The following MMD2 variants were observed in gnomAD, a reference collection of about 807,000 sequenced individuals.
The protein encoded by MMD2 is monocyte to macrophage differentiation factor 2.
Under a neutral mutation model 33.5 loss-of-function variants are expected in MMD2, and 30 were observed. That is an observed-to-expected ratio of 0.90 (90% confidence interval 0.67 to 1.22). The LOEUF is 1.22. Ranked by LOEUF, MMD2 falls within the 50% of genes most tolerant of loss-of-function variation. The pLI is 0.00. For synonymous variants in MMD2, 129 were observed against 123.0 expected, an observed-to-expected ratio of 1.05 and a Z score of -0.32; for missense variants, 364 against 325.4, an observed-to-expected ratio of 1.12 and a Z score of -0.91.
At chr7:4,917,012 C>A (rs1405458343) in intron 3 of MMD2, among the ~76,000 whole-genome samples, 1 of 152,080 alleles carries the variant, frequency 6.6e-6, no homozygotes, top group Admixed American at 6.6e-5. Context: ...GTGGAGACTG[C>A]AGTGAGCCAT....
chr7:4,897,520 G>A, the MMD2 span, among the ~76,000 whole-genome samples: 121 of 152,226 alleles, frequency 7.9e-4, 3 homozygotes, highest in East Asian at 0.022. Flanking sequence ...TACAGTTTCC[G>A]TTTCCTCCCA....
intron 2 of MMD2, among the ~76,000 whole-genome samples, chr7:4,924,401 C>T (rs2115110835): frequency 6.6e-6 from 1 of 152,362 alleles, no homozygotes; most frequent in South Asian, 2.1e-4. Context: ...CACCTCCACA[C>T]ACGCTATCTG....
At chr7:4,953,362 G>C (rs1316149897) in intron 1 of MMD2, among the ~76,000 whole-genome samples, 5 of 150,624 alleles carry the variant, frequency 3.3e-5, no homozygotes, top group Admixed American at 6.7e-5. Flanking sequence ...AACTCCTGCA[G>C]ATGTAGGGCT....
intron 1 of MMD2, among the ~76,000 whole-genome samples, chr7:4,954,495 T>G (rs1786332763): frequency 6.6e-6 from 1 of 151,976 alleles, no homozygotes; most frequent in African/African-American, 2.4e-5. Flanking sequence ...TCAGCTCATT[T>G]GCAGCCTCGA....
intron 1 of MMD2, among the ~76,000 whole-genome samples, chr7:4,938,689 A>T (rs1785819376): frequency 6.6e-6 from 1 of 152,168 alleles, no homozygotes. Context: ...GAAGGTATGA[A>T]AGAAAGCAAA....
intron 1 of MMD2, 35 bp from the exon 2 acceptor site, chr7:4,925,567 TG>T (rs764694157): frequency 6.6e-7 from 1 of 1,509,422 alleles, no homozygotes; most frequent in Non-Finnish European, 8.9e-7. Flanking sequence ...GAAGCTCCGC[TG>T]GGCAAGAGGT....
At chr7:4,942,287 G>C (rs1193063777) in intron 1 of MMD2, among the ~76,000 whole-genome samples, 2 of 150,734 alleles carry the variant, frequency 1.3e-5, no homozygotes, top group South Asian at 2.1e-4. Context: ...GTAGAGATGG[G>C]GGGGGTCTTG....
At chr7:4,901,206 C>A (rs575309518), downstream of MMD2, among the ~76,000 whole-genome samples, 211 of 150,198 alleles carry the variant, frequency 1.4e-3, no homozygotes, top group African/African-American at 4.9e-3. Flanking sequence ...CTTGGGAGGC[C>A]AAGGTGGGCG....
At chr7:4,896,645 C>T in the MMD2 span, among the ~76,000 whole-genome samples, 1 of 152,062 alleles carries the variant, frequency 6.6e-6, no homozygotes, top group Admixed American at 6.6e-5. Context: ...AATTCCTGGC[C>T]CGTGAAAACC....
chr7:4,892,274 G>A, the MMD2 span, among the ~76,000 whole-genome samples: 3 of 152,138 alleles, frequency 2.0e-5, no homozygotes, highest in Admixed American at 6.6e-5. Flanking sequence ...TTTTATTTGT[G>A]AATTAAAAGA....
intron 1 of MMD2, among the ~76,000 whole-genome samples, chr7:4,929,386 C>T (rs1033538022): frequency 6.6e-6 from 1 of 152,108 alleles, no homozygotes; most frequent in African/African-American, 2.4e-5. Context: ...CATGGAGGAC[C>T]CACCCTGGGG....
At chr7:4,910,777 C>T (rs1029192943) in intron 5 of MMD2, among the ~76,000 whole-genome samples, 1 of 152,090 alleles carries the variant, frequency 6.6e-6, no homozygotes, top group Non-Finnish European at 1.5e-5. Context: ...TACAGGCACC[C>T]ATCATGACAC....
chr7:4,912,105 CA>C lies in MMD2; in HGVS notation c.366-860del, dbSNP rs1785029183. 2.7e-5 allele frequency among the ~76,000 whole-genome samples: 4 copies of C among 149,844 alleles called. No homozygotes were observed. The South Asian group carries it at 8.5e-4, about 32-fold the overall frequency. On this transcript the variant is annotated intron_variant, in intron 4 of 6. Coordinates refer to ENST00000401401, the MANE Select transcript of MMD2 (RefSeq NM_198403.4). ...CAACAGAGTAAGTAAGACCCTGTCTCAAAAAAATTAAAAATAATAATAATTA... is the reference window on the plus strand; with the variant it reads ...CAACAGAGTAAGTAAGACCCTGTCTCAAAAAATTAAAAATAATAATAATTA...
chr7:4,907,710 GC>G, intron 6 of MMD2, 111 bp from the exon 7 acceptor site: 1 of 965,750 alleles, frequency 1.0e-6, no homozygotes, highest in East Asian at 2.5e-5. Flanking sequence ...TGGCAAACCA[GC>G]CCAGACTCCC....
At chr7:4,933,564 T>C (rs1785653858) in intron 1 of MMD2, among the ~76,000 whole-genome samples, 1 of 151,330 alleles carries the variant, frequency 6.6e-6, no homozygotes, top group Non-Finnish European at 1.5e-5. Context: ...GTCCCTTCCT[T>C]TTTATTGCTG....
intron 1 of MMD2, among the ~76,000 whole-genome samples, chr7:4,933,308 G>C (rs939334372): frequency 6.6e-6 from 1 of 152,164 alleles, no homozygotes; most frequent in African/African-American, 2.4e-5. Flanking sequence ...GCTACAGTGA[G>C]CCAAGATCGT....
chr7:4,916,159 T>A, intron 3 of MMD2, 80 bp from the exon 4 acceptor site: 1 of 1,339,242 alleles, frequency 7.5e-7, no homozygotes, highest in Admixed American at 1.8e-5. Context: ...TGCCCTGGAC[T>A]GATCGTGCCT....
At position 4,940,032 on chromosome 7, in the gene MMD2, G is replaced by A. The variant is rs1485956043; in HGVS notation, c.48-14500C>T. On this transcript the variant is annotated intron_variant, in intron 1 of 6. Coordinates refer to ENST00000401401, the MANE Select transcript of MMD2 (RefSeq NM_198403.4). The surrounding 1 kb of genome is among the most constrained non-coding windows in gnomAD (Gnocchi z 5.0). Reference sequence around the variant, plus strand: ...GCTGGCATTACAGGCGTGAGCCACCGCACCTGGCCCAATCTATTTCTATAA... The same window carrying A: ...GCTGGCATTACAGGCGTGAGCCACCACACCTGGCCCAATCTATTTCTATAA... 6.6e-6 allele frequency among the ~76,000 whole-genome samples: 1 copy of A among 152,140 alleles called. No homozygotes were observed. Among genetic ancestry groups the A allele is most frequent in the East Asian group, 1.9e-4 (1 of 5,196 alleles).
At chr7:4,913,995 G>T (rs1785079411) in intron 4 of MMD2, among the ~76,000 whole-genome samples, 1 of 151,984 alleles carries the variant, frequency 6.6e-6, no homozygotes, top group African/African-American at 2.4e-5. Flanking sequence ...TCAGTTTCTT[G>T]TTTGTTTTTT....
Sources: gnomAD v4.1 joint callset for allele counts (sites outside exome capture counted in the v4.1 genomes callset) on GRCh38, gnomAD v4.1.1 for gene constraint, Gnocchi (gnomAD v3.1) non-coding constraint, MANE v1.5 for transcripts, NCBI Gene and HGNC (gene_info 2026-07-23, HGNC 2026-07-21) for gene names.